DNAH6: variants seen among roughly 807,000 people sequenced by gnomAD.
DNAH6 encodes dynein axonemal heavy chain 6.
DNAH6 carries 340 observed loss-of-function variants against 491.4 expected under a neutral mutation model. The ratio of observed to expected loss-of-function variants is 0.69; its 90% CI spans 0.63 to 0.76. The LOEUF (loss-of-function observed/expected upper bound fraction) is 0.76, where lower values mean the gene tolerates loss of function less well. Among genes scored for constraint, DNAH6 ranks in the 30% least tolerant of loss-of-function variants. DNAH6 has a pLI of 0.00. For missense variants in DNAH6, 4,443 were observed against 4,972.2 expected (o/e 0.89, Z 3.20); for synonymous variants, 1,603 against 1,686.1 (o/e 0.95, Z 1.21).
chr2:84,573,623 T>G (rs1682119323), intron 12 of DNAH6, 36 bp downstream of exon 12: 1 of 1,503,124 alleles, frequency 6.7e-7, no homozygotes, highest in East Asian at 2.5e-5. Flanking sequence ...ATTATTTTTA[T>G]AGGGATACTG....
chr2:84,742,071 T>C (rs978691621), intron 62 of DNAH6, among the ~76,000 whole-genome samples: 3 of 152,242 alleles, frequency 2.0e-5, no homozygotes, highest in Non-Finnish European at 4.4e-5. Context: ...CATTCTCTCC[T>C]AGATTACCTG....
At chr2:84,497,663 T>TA in the DNAH6 span, among the ~76,000 whole-genome samples, 359 of 152,306 alleles carry the variant, frequency 2.4e-3, 1 homozygote, top group Middle Eastern at 0.014. Flanking sequence ...TTTAAAACAG[T>TA]AAAAACAAGT....
intron 63 of DNAH6, among the ~76,000 whole-genome samples, chr2:84,760,094 G>A (rs1328030747): frequency 5.3e-5 from 8 of 152,120 alleles, no homozygotes; most frequent in Non-Finnish European, 8.8e-5. Context: ...AAATGGTGGT[G>A]GGAAAATTGG....
intron 75 of DNAH6, among the ~76,000 whole-genome samples, chr2:84,815,423 C>T (rs1405130666): frequency 6.7e-6 from 1 of 150,030 alleles, no homozygotes; most frequent in Non-Finnish European, 1.5e-5. Flanking sequence ...CCAATCACAT[C>T]ACAGGAATCT....
intron 44 of DNAH6, among the ~76,000 whole-genome samples, chr2:84,687,472 T>C (rs939940317): frequency 1.3e-5 from 2 of 152,168 alleles, no homozygotes; most frequent in African/African-American, 4.8e-5. Context: ...GTAACTCCAC[T>C]CTAGATAAGT....
At chr2:84,612,032 T>A (rs1336475353) in intron 22 of DNAH6, among the ~76,000 whole-genome samples, 178 bp downstream of exon 22, 1 of 152,134 alleles carries the variant, frequency 6.6e-6, no homozygotes, top group African/African-American at 2.4e-5. Flanking sequence ...CTAAGCAATG[T>A]CAACGGAACA....
chr2:84,549,505 T>C (rs908043893), intron 8 of DNAH6, among the ~76,000 whole-genome samples: 2 of 152,206 alleles, frequency 1.3e-5, no homozygotes, highest in African/African-American at 2.4e-5. Context: ...TTTTACACTT[T>C]TACTATTAGA....
intron 18 of DNAH6, among the ~76,000 whole-genome samples, chr2:84,599,061 G>C (rs1573166341): frequency 6.8e-6 from 1 of 146,434 alleles, no homozygotes; most frequent in Admixed American, 6.8e-5. Context: ...GTCATAATTT[G>C]CATTTTTCTA....
At chr2:84,483,679 T>C in the DNAH6 span, among the ~76,000 whole-genome samples, 14 of 152,170 alleles carry the variant, frequency 9.2e-5, no homozygotes, top group Non-Finnish European at 1.8e-4. Flanking sequence ...TATAAAAACC[T>C]TATTTTAAAA....
At chr2:84,460,669 T>C in the DNAH6 span, among the ~76,000 whole-genome samples, 1 of 150,778 alleles carries the variant, frequency 6.6e-6, no homozygotes, top group African/African-American at 2.4e-5. Context: ...AATTGATATA[T>C]ATAGGAGAAA....
At chr2:84,596,575 C>T (rs984832310) in intron 18 of DNAH6, among the ~76,000 whole-genome samples, 1 of 151,952 alleles carries the variant, frequency 6.6e-6, no homozygotes, top group Non-Finnish European at 1.5e-5. Flanking sequence ...ACGTGATCCA[C>T]CTGCCTCGGC....
At chr2:84,612,603 G>A (rs1325803052) in intron 22 of DNAH6, among the ~76,000 whole-genome samples, 3 of 152,112 alleles carry the variant, frequency 2.0e-5, no homozygotes, top group Admixed American at 6.6e-5. Flanking sequence ...AATTCTTTGG[G>A]TCTTTTCGAG....
intron 37 of DNAH6, among the ~76,000 whole-genome samples, chr2:84,664,795 A>C (rs1188763781): frequency 6.6e-6 from 1 of 152,256 alleles, no homozygotes; most frequent in African/African-American, 2.4e-5. Context: ...CAGAATATAC[A>C]TTCTTCTCAG....
intron 61 of DNAH6, 98 bp downstream of exon 61, chr2:84,728,000 T>G: frequency 1.3e-6 from 1 of 775,430 alleles, no homozygotes; most frequent in South Asian, 1.7e-5. Context: ...CCATGTGCTG[T>G]AGGATGGACC....
intron 76 of DNAH6, among the ~76,000 whole-genome samples, chr2:84,817,531 G>A (rs969903862): frequency 6.6e-6 from 1 of 152,092 alleles, no homozygotes; most frequent in African/African-American, 2.4e-5. Context: ...TACTCAGGAG[G>A]CTAAGGTGGG....
At chr2:84,619,229 T>G (rs1425322650) in intron 23 of DNAH6, among the ~76,000 whole-genome samples, 1 of 152,166 alleles carries the variant, frequency 6.6e-6, no homozygotes, top group Admixed American at 6.5e-5. Flanking sequence ...CCAGTACACA[T>G]TCACACAACC....
intron 63 of DNAH6, among the ~76,000 whole-genome samples, chr2:84,761,747 G>A (rs1421739232): frequency 6.6e-6 from 1 of 151,014 alleles, no homozygotes; most frequent in African/African-American, 2.4e-5. Context: ...GACCAGGTTG[G>A]GACACCTCCC....
chr2:84,772,229 A>T (rs1470371814), intron 64 of DNAH6, among the ~76,000 whole-genome samples: 1 of 152,186 alleles, frequency 6.6e-6, no homozygotes, highest in Admixed American at 6.5e-5. Flanking sequence ...AGTAAAAGAA[A>T]TCAGCAGAGA....
intron 62 of DNAH6, among the ~76,000 whole-genome samples, chr2:84,739,404 T>C (rs976683440): frequency 3.3e-5 from 5 of 152,208 alleles, no homozygotes; most frequent in Non-Finnish European, 7.4e-5. Context: ...TCTAGCAAGA[T>C]TGGGGAAATT....
Sources: gnomAD v4.1 joint callset for allele counts (sites outside exome capture counted in the v4.1 genomes callset) on GRCh38, gnomAD v4.1.1 for gene constraint, MANE v1.5 for transcripts, NCBI Gene and HGNC (gene_info 2026-07-23, HGNC 2026-07-21) for gene names.